HMGN5: variants seen among roughly 807,000 people sequenced by gnomAD.
HMGN5 encodes high mobility group nucleosome-binding domain-containing protein 5.
Under a neutral mutation model 9.5 loss-of-function variants are expected in HMGN5, and 4 were observed. That is an observed-to-expected ratio of 0.42 (90% CI 0.21 to 0.96). The LOEUF (loss-of-function observed/expected upper bound fraction) is 0.96. HMGN5 is among the 40% of genes least tolerant of loss of function. HMGN5 has a pLI of 0.30. For synonymous variants in HMGN5, 55 were observed against 57.1 expected (o/e 0.96, Z 0.16); for missense variants, 192 against 187.5 (o/e 1.02, Z -0.14).
chrX:81,146,148 G>A (rs757470183), intron 1 of HMGN5, among the ~76,000 whole-genome samples: 6 of 111,429 alleles, frequency 5.4e-5, no homozygotes, highest in Non-Finnish European at 1.1e-4. Flanking sequence ...GGACCAAGTG[G>A]ACCTAAAAGA....
chrX:81,159,164 G>T (rs956064139), intron 1 of HMGN5, among the ~76,000 whole-genome samples: 1 of 111,437 alleles, frequency 9.0e-6, no homozygotes, highest in Admixed American at 9.6e-5. Context: ...GTTCTCACTT[G>T]TAAGTGTGAG....
At chrX:81,194,351 T>C (rs1254540064) in intron 1 of HMGN5, among the ~76,000 whole-genome samples, 1 of 111,237 alleles carries the variant, frequency 9.0e-6, no homozygotes, top group Admixed American at 9.6e-5. Context: ...AAAAAAAGGC[T>C]AGCCTCAGGA....
intron 1 of HMGN5, among the ~76,000 whole-genome samples, chrX:81,167,453 TACACACAC>T (rs371953666): frequency 2.0e-3 from 206 of 102,916 alleles, no homozygotes; most frequent in African/African-American, 6.7e-3. Flanking sequence ...CATATTTGTG[TACACACAC>T]ACACACACAC....
chrX:81,171,139 T>A (rs774103723), intron 1 of HMGN5, among the ~76,000 whole-genome samples: 12 of 111,616 alleles, frequency 1.1e-4, no homozygotes, highest in African/African-American at 3.9e-4. Flanking sequence ...CTTATTTGTG[T>A]ACTGTTAGTT....
At chrX:81,121,817 G>T in intron 1 of HMGN5, 145 bp from the exon 2 acceptor site, 2 of 287,873 alleles carry the variant, frequency 6.9e-6, no homozygotes, top group Middle Eastern at 9.7e-4. Flanking sequence ...GCTTTGAGGG[G>T]CGTGGCCCGC....
At chrX:81,152,557 C>G (rs1454412432) in intron 1 of HMGN5, among the ~76,000 whole-genome samples, 14 of 110,814 alleles carry the variant, frequency 1.3e-4, no homozygotes, top group African/African-American at 4.3e-4. Flanking sequence ...GGACTGTAAA[C>G]TAGTTCAACC....
chrX:81,175,126 G>A (rs1331271434), intron 1 of HMGN5, among the ~76,000 whole-genome samples: 3 of 111,934 alleles, frequency 2.7e-5, no homozygotes, highest in Non-Finnish European at 5.6e-5. Context: ...GATTCTAAAT[G>A]TATTAAAAAG....
intron 1 of HMGN5, among the ~76,000 whole-genome samples, chrX:81,176,397 T>A (rs2147639298): frequency 9.0e-6 from 1 of 111,245 alleles, no homozygotes; most frequent in South Asian, 3.9e-4. Context: ...GGATCACAGT[T>A]CCTCACCAGC....
rs1472649698 is a variant in HMGN5 at position 81,114,845 on chromosome X, C to T, written c.653G>A (p.Gly218Glu). 1 of 1,161,171 alleles carries T rather than the reference C, an allele frequency of 8.6e-7. No homozygotes were observed. Among genetic ancestry groups the T allele is most frequent in the East Asian group, 3.3e-5 (1 of 30,558 alleles). ...GKENEDGKEK[G>E]DKKEGKDVKV... ...TACATCTTTCCCCTCTTTTTTATCTCCCTTCTCTTTTCCATCTTCATTCTC... is the reference window on the plus strand; with the variant it reads ...TACATCTTTCCCCTCTTTTTTATCTTCCTTCTCTTTTCCATCTTCATTCTC... Residue 218 changes from glycine to glutamate, a missense_variant, in exon 7 of 7, where the codon GGA becomes GAA. Physicochemically the swap from Gly to Glu is moderately conservative, Grantham distance 98 (BLOSUM62 -2). Transcript: ENST00000358130.
chrX:81,176,370 A>G (rs761327030), intron 1 of HMGN5, among the ~76,000 whole-genome samples: 5 of 111,447 alleles, frequency 4.5e-5, no homozygotes, highest in Non-Finnish European at 7.5e-5. Flanking sequence ...TCAGAGGAGC[A>G]CCTCCTCTCC....
chrX:81,146,305 C>T (rs780156563), intron 1 of HMGN5, among the ~76,000 whole-genome samples: 1 of 111,857 alleles, frequency 8.9e-6, no homozygotes, highest in Non-Finnish European at 1.9e-5. Context: ...GTCTCTCAGA[C>T]CACAGTGAAA....
chrX:81,133,283 G>T lies in HMGN5; in HGVS notation c.-123-11611C>A, dbSNP rs776611458. Among the ~76,000 whole-genome samples the T allele has an allele frequency of 2.9e-3, 320 of 111,753 alleles. 1 individual carries two copies. Among genetic ancestry groups the T allele is most frequent in the Admixed American group, 6.8e-3 (71 of 10,501 alleles). ...AGTATAAATTAGTTCAACCATTGTGGAAGACAGTGTGACAATTCCTCAAAG... is the reference window on the plus strand; with the variant it reads ...AGTATAAATTAGTTCAACCATTGTGTAAGACAGTGTGACAATTCCTCAAAG... On this transcript the variant is annotated intron_variant, in intron 1 of 6. Transcript: ENST00000358130.
Position 81,118,521 on chromosome X carries a change from A to G in HMGN5, c.76-36T>C, listed in dbSNP as rs186533879. The G allele has an allele frequency of 2.3e-4, 248 of 1,084,893 alleles. No homozygotes were observed. In the East Asian group the frequency reaches 5.6e-3, roughly 24 times the overall value. 89.4% of individuals were successfully genotyped at this position (1,084,893 alleles called of 1,213,427 possible). ...TTGTGGGAAAAGAAAAGAAAAGGAA[A>G]AAAATCATATTTGAAGAAAGAACGC... On this transcript the variant is annotated intron_variant, in intron 4 of 6. Transcript: ENST00000358130.
intron 1 of HMGN5, among the ~76,000 whole-genome samples, chrX:81,199,403 AAG>A (rs1261865668): frequency 1.8e-5 from 2 of 112,809 alleles, no homozygotes; most frequent in Non-Finnish European, 3.7e-5. Flanking sequence ...GGAACCAAAA[AAG>A]AGCCCACATG....
chrX:81,190,245 T>C (rs1382086360), intron 1 of HMGN5, among the ~76,000 whole-genome samples: 2 of 112,296 alleles, frequency 1.8e-5, no homozygotes, highest in Non-Finnish European at 3.8e-5. Context: ...CTTCTCTTTT[T>C]ATTCTCTTGA....
chrX:81,139,660 A>C (rs754717180), intron 1 of HMGN5, among the ~76,000 whole-genome samples: 7 of 111,883 alleles, frequency 6.3e-5, no homozygotes, highest in Non-Finnish European at 1.1e-4. Context: ...GAAGCTGCAC[A>C]GTGCAGGGAG....
chrX:81,114,970 T>C lies in HMGN5; in HGVS notation c.528A>G (p.Gly176=). 4 of 1,156,959 alleles carry C rather than the reference T, an allele frequency of 3.5e-6. No homozygotes were observed. Among genetic ancestry groups the C allele is most frequent in the Non-Finnish European group, 4.6e-6 (4 of 870,475 alleles). ...KGEDAKEKED[G]KKGEDGKGNG... ...TTCCTTTTCCGTCTTCACCTTTTTT[T>C]CCATCTTCTTTCTCTTTTGCATCTT... Residue 176 remains glycine (G), a synonymous_variant, in exon 7 of 7, where the codon GGA becomes GGG. Transcript: ENST00000358130.
chrX:81,176,679 G>A (rs757363751), intron 1 of HMGN5, among the ~76,000 whole-genome samples: 16 of 111,533 alleles, frequency 1.4e-4, no homozygotes, highest in Non-Finnish European at 3.0e-4. Flanking sequence ...TGGAAGAAAG[G>A]CTATCAGTGA....
Position 81,118,458 on chromosome X carries a change from T to A in HMGN5, c.103A>T (p.Lys35Ter). 8.5e-7 allele frequency: 1 copy of A among 1,178,817 alleles called. No individual in the cohort carries two copies. The change falls in exon 5 of 7, where the codon AAG becomes TAG. Residue 35 changes from lysine to a stop codon, truncating the protein, a stop_gained. Transcript: ENST00000358130. LOFTEE classifies it high-confidence loss of function. ...AMLVPVTPEV[K>*]PKRTSSSRKM... ...CTTGAACTTGATGTTCTTTTAGGCT[T>A]CACCTCTGGTGTAACTGGCACAAGC... is the stretch of plus-strand genomic sequence containing the variant.
Sources: allele counts gnomAD v4.1 joint callset (sites outside exome capture counted in the v4.1 genomes callset), GRCh38; gene constraint gnomAD v4.1.1; transcripts MANE v1.5; gene names NCBI Gene and HGNC (gene_info 2026-07-23, HGNC 2026-07-21).